The following ARHGEF12 variants were observed in gnomAD, a reference collection of about 807,000 sequenced individuals.
ARHGEF12 encodes the protein Rho guanine nucleotide exchange factor 12.
Under a neutral mutation model 211.2 loss-of-function variants are expected in ARHGEF12, and 66 were observed. That is an observed-to-expected ratio of 0.31 (90% confidence interval 0.26 to 0.38). The LOEUF is 0.38. Among genes scored for constraint, ARHGEF12 ranks in the 10% least tolerant of loss-of-function variants. ARHGEF12 has a pLI of 1.00. For synonymous variants in ARHGEF12, 592 were observed against 638.4 expected (o/e 0.93, Z 1.09); for missense variants, 1,429 against 1,869.5 (o/e 0.76, Z 4.34).
chr11:120,351,968 G>C (rs1262605284), intron 1 of ARHGEF12, among the ~76,000 whole-genome samples: 5 of 152,082 alleles, frequency 3.3e-5, no homozygotes, highest in African/African-American at 1.2e-4. Flanking sequence ...TTATTACTCC[G>C]ATGCTCGCTT....
chr11:120,441,645 C>T, intron 13 of ARHGEF12, 62 bp from the exon 14 acceptor site: 1 of 1,328,186 alleles, frequency 7.5e-7, no homozygotes, highest in African/African-American at 1.5e-5. Flanking sequence ...TTCAATTGAG[C>T]CTACTTTGCA....
chr11:120,384,009 A>G (rs1215122733), intron 1 of ARHGEF12, among the ~76,000 whole-genome samples: 3 of 152,212 alleles, frequency 2.0e-5, no homozygotes, highest in Non-Finnish European at 4.4e-5. Context: ...ACATATGGGT[A>G]GCTTCGTGTT....
At chr11:120,358,553 A>G (rs1943192993) in intron 1 of ARHGEF12, among the ~76,000 whole-genome samples, 1 of 152,192 alleles carries the variant, frequency 6.6e-6, no homozygotes, top group Non-Finnish European at 1.5e-5. Context: ...ATGATAGATT[A>G]TCCCAAAACA....
intron 11 of ARHGEF12, among the ~76,000 whole-genome samples, chr11:120,434,979 T>A (rs1239628374): frequency 6.6e-6 from 1 of 152,174 alleles, no homozygotes; most frequent in Non-Finnish European, 1.5e-5. Flanking sequence ...AATATGTCTC[T>A]CTCTAAGAGA....
intron 1 of ARHGEF12, among the ~76,000 whole-genome samples, chr11:120,356,077 C>T (rs937926642): frequency 6.6e-6 from 1 of 152,210 alleles, no homozygotes; most frequent in African/African-American, 2.4e-5. Context: ...CCAACATTTG[C>T]AATTTCATGT....
chr11:120,342,468 C>T (rs968363898), intron 1 of ARHGEF12, among the ~76,000 whole-genome samples: 3 of 152,148 alleles, frequency 2.0e-5, no homozygotes, highest in African/African-American at 4.8e-5. Flanking sequence ...ATGTTTCAGA[C>T]GGTTATTCAT....
At chr11:120,340,074 A>G (rs1942486964) in intron 1 of ARHGEF12, among the ~76,000 whole-genome samples, 1 of 152,238 alleles carries the variant, frequency 6.6e-6, no homozygotes, top group Non-Finnish European at 1.5e-5. Context: ...TGTAGTTTTC[A>G]TCGTTTAGAA....
chr11:120,344,265 CAAAAAAAAAAA>C (rs71473103), intron 1 of ARHGEF12, among the ~76,000 whole-genome samples: 3 of 53,014 alleles, frequency 5.7e-5, no homozygotes, highest in African/African-American at 1.4e-4. Flanking sequence ...GACTCCGTCT[CAAAAAAAAAAA>C]AAAAAAAAAA....
intron 1 of ARHGEF12, among the ~76,000 whole-genome samples, chr11:120,401,835 A>G (rs1406605726): frequency 6.6e-6 from 1 of 152,194 alleles, no homozygotes; most frequent in Admixed American, 6.5e-5. Flanking sequence ...TTTGAATTAT[A>G]TATTTCTATG....
intron 14 of ARHGEF12, 32 bp downstream of exon 14, chr11:120,441,849 G>A (rs779061283): frequency 7.6e-6 from 12 of 1,584,324 alleles, no homozygotes; most frequent in East Asian, 2.2e-5. Flanking sequence ...CAGATTCAGA[G>A]TTCTTCTGTT....
chr11:120,460,006 G>A lies in ARHGEF12; in HGVS notation c.2528-666G>A, dbSNP rs145061281. Among the ~76,000 whole-genome samples, 37 of 152,204 alleles carry A rather than the reference G, an allele frequency of 2.4e-4. 2 individuals are homozygous for A. The highest frequency in any genetic ancestry group is 8.4e-4 in the African/African-American group (35 of 41,544). ...GATTATAGGCATGAGCCACTGCCCC[G>A]GCCTCAGGAATTATTTTATTGTTTT... On this transcript the variant is annotated intron_variant, in intron 26 of 40. Coordinates refer to ENST00000397843, the MANE Select transcript of ARHGEF12 (RefSeq NM_015313.3).
intron 2 of ARHGEF12, 61 bp downstream of exon 2, chr11:120,406,202 C>T (rs1944699266): frequency 2.6e-6 from 3 of 1,168,538 alleles, no homozygotes; most frequent in East Asian, 5.6e-5. Flanking sequence ...TATAAGCATC[C>T]CTTTGAAATT....
At chr11:120,482,260 G>A (rs1947267466) in intron 39 of ARHGEF12, among the ~76,000 whole-genome samples, 3 of 152,140 alleles carry the variant, frequency 2.0e-5, no homozygotes, top group Non-Finnish European at 4.4e-5. Context: ...ACTTTCTGTA[G>A]CCTATTATCT....
intron 4 of ARHGEF12, among the ~76,000 whole-genome samples, chr11:120,414,598 T>C (rs1944976588): frequency 6.6e-6 from 1 of 152,204 alleles, no homozygotes; most frequent in Non-Finnish European, 1.5e-5. Context: ...CAATACATTT[T>C]GATAAGTGCA....
intron 1 of ARHGEF12, among the ~76,000 whole-genome samples, chr11:120,386,104 T>C (rs1944022661): frequency 6.6e-6 from 1 of 152,190 alleles, no homozygotes; most frequent in African/African-American, 2.4e-5. Context: ...TTATCCTTTG[T>C]TCAGTTTGTG....
intron 1 of ARHGEF12, among the ~76,000 whole-genome samples, chr11:120,345,983 T>C (rs2135264514): frequency 6.6e-6 from 1 of 152,226 alleles, no homozygotes; most frequent in East Asian, 1.9e-4. Context: ...ACCCAGATGT[T>C]GCTGCTCAGG....
At position 120,478,179 on chromosome 11, in the gene ARHGEF12, A is replaced by C; in HGVS notation, c.3556A>C (p.Thr1186Pro). ...SPDRDLGLES[T>P]LISSKPQSHS... The stretch of plus-strand genomic sequence containing the variant: ...AGACAGAGATTTGGGATTAGAATCT[A>C]CCTTAATATCGTCAAAACCTCAGTC... Residue 1186 changes from threonine (T) to proline (P), a missense_variant, in exon 37 of 41, where the codon ACC becomes CCC. Thr to Pro is a conservative substitution (Grantham distance 38, BLOSUM62 -1). Around this residue, in one of 7 missense-constraint regions of ARHGEF12, gnomAD observed 467 missense variants for 468.4 expected, o/e 1.00. Transcript: ENST00000397843. 1 of 1,613,504 alleles carries C rather than the reference A, an allele frequency of 6.2e-7. No individual in the cohort carries two copies. Among genetic ancestry groups the C allele is most frequent in the Non-Finnish European group, 8.5e-7 (1 of 1,179,758 alleles).
intron 1 of ARHGEF12, among the ~76,000 whole-genome samples, chr11:120,400,104 C>T (rs924964586): frequency 2.6e-5 from 4 of 152,042 alleles, no homozygotes; most frequent in Non-Finnish European, 5.9e-5. Context: ...AAATTTTGTT[C>T]ACCTGTTCTC....
intron 11 of ARHGEF12, among the ~76,000 whole-genome samples, chr11:120,432,881 T>C (rs890606714): frequency 1.3e-5 from 2 of 152,150 alleles, no homozygotes; most frequent in African/African-American, 2.4e-5. Context: ...CAGTTCCTCA[T>C]GCAAAAAACA....
Sources: allele counts gnomAD v4.1 joint callset (sites outside exome capture counted in the v4.1 genomes callset), GRCh38; gene constraint gnomAD v4.1.1; regional missense constraint gnomAD v4.1.1; transcripts MANE v1.5; gene names NCBI Gene and HGNC (gene_info 2026-07-23, HGNC 2026-07-21).